Variants in IQCM observed in about 807,000 individuals in gnomAD.
IQCM encodes the protein IQ motif containing M, also known as IQ domain-containing protein M.
A neutral mutation model predicts 57.6 loss-of-function variants in IQCM; 45 were observed. That is an observed-to-expected ratio of 0.78 (90% CI 0.62 to 1.00). The LOEUF (loss-of-function observed/expected upper bound fraction) is 1.00. Ranked by LOEUF, IQCM falls within the 50% of genes least tolerant of loss-of-function variation. The pLI is 0.00. For missense variants in IQCM, 468 were observed against 511.6 expected (o/e 0.91, Z 0.82); for synonymous variants, 148 against 158.9 (o/e 0.93, Z 0.51).
chr4:149,381,036 T>A (rs1731042597), intron 13 of IQCM, among the ~76,000 whole-genome samples: 1 of 152,194 alleles, frequency 6.6e-6, no homozygotes, highest in Admixed American at 6.5e-5. Context: ...CCCCCAAAGG[T>A]GCTTCATTCA....
At chr4:149,438,672 T>G (rs998239218) in intron 12 of IQCM, among the ~76,000 whole-genome samples, 1 of 152,080 alleles carries the variant, frequency 6.6e-6, no homozygotes, top group Non-Finnish European at 1.5e-5. Flanking sequence ...ATTACGTACT[T>G]CTTGAGCAAG....
At chr4:149,555,516 G>T (rs1377813228) in intron 10 of IQCM, among the ~76,000 whole-genome samples, 1 of 152,222 alleles carries the variant, frequency 6.6e-6, no homozygotes, top group Non-Finnish European at 1.5e-5. Context: ...GGCAGCATTT[G>T]TAAAGTCAGG....
intron 12 of IQCM, among the ~76,000 whole-genome samples, chr4:149,547,618 A>G (rs1748585688): frequency 6.6e-6 from 1 of 152,164 alleles, no homozygotes; most frequent in African/African-American, 2.4e-5. Flanking sequence ...ATTACCTGAA[A>G]TTAGCTAGGA....
intron 8 of IQCM, among the ~76,000 whole-genome samples, chr4:149,615,757 A>T (rs1291375765): frequency 6.6e-6 from 1 of 152,216 alleles, no homozygotes; most frequent in Non-Finnish European, 1.5e-5. Flanking sequence ...TCTTCTAAGT[A>T]GAGTATGTTA....
intron 9 of IQCM, among the ~76,000 whole-genome samples, chr4:149,576,340 G>T (rs2726754): frequency 0.21 from 32,448 of 151,572 alleles, 4,331 homozygotes; most frequent in Non-Finnish European, 0.29. Context: ...TGTCTATTGT[G>T]CCCTTCCTTG....
intron 8 of IQCM, among the ~76,000 whole-genome samples, chr4:149,591,404 T>C (rs1340501619): frequency 2.0e-5 from 3 of 152,064 alleles, no homozygotes; most frequent in Non-Finnish European, 4.4e-5. Flanking sequence ...AAATATGTAA[T>C]TTATAATTGG....
chr4:149,481,926 TG>T (rs1359142678), intron 12 of IQCM, among the ~76,000 whole-genome samples: 3 of 310 alleles, frequency 9.7e-3, no homozygotes, highest in East Asian at 0.11. Flanking sequence ...TTCCTTTTTT[TG>T]GGGGGGTTGG....
At position 149,510,190 on chromosome 4, in the gene IQCM, G is replaced by T. The variant is rs115513362; in HGVS notation, c.1228+38265C>A. 7.8e-4 allele frequency among the ~76,000 whole-genome samples: 119 copies of T among 152,182 alleles called. 2 individuals carry two copies. Among genetic ancestry groups the T allele is most frequent in the Non-Finnish European group, 1.4e-3 (96 of 67,996 alleles). ...TTTTAACAATTTACTGGGTTAAAAA[G>T]CGATTATCTCATTGTTTTAATCTGC... is the stretch of plus-strand genomic sequence containing the variant. On this transcript the variant is annotated intron_variant, in intron 12 of 13. Coordinates refer to ENST00000636793, the MANE Select transcript of IQCM (RefSeq NM_001363507.2).
At chr4:149,481,723 G>GTTTTTTTTTTTTT (rs1740903527) in intron 12 of IQCM, among the ~76,000 whole-genome samples, 1 of 9,346 alleles carries the variant, frequency 1.1e-4, no homozygotes, top group Non-Finnish European at 2.6e-4. Context: ...TTTTTTTTTT[G>GTTTTTTTTTTTTT]CTTTTTGCTT....
chr4:149,467,736 G>A (rs947227039), intron 12 of IQCM, among the ~76,000 whole-genome samples: 3 of 152,166 alleles, frequency 2.0e-5, no homozygotes, highest in Non-Finnish European at 4.4e-5. Flanking sequence ...GGAGCTGTGG[G>A]TTTTAGTAGA....
At chr4:149,576,955 T>C (rs938569982) in intron 9 of IQCM, among the ~76,000 whole-genome samples, 4 of 151,980 alleles carry the variant, frequency 2.6e-5, no homozygotes, top group African/African-American at 9.7e-5. Context: ...TGGTATCTCA[T>C]TGTAAGTTTG....
intron 2 of IQCM, among the ~76,000 whole-genome samples, chr4:149,754,511 T>C (rs924644858): frequency 1.3e-5 from 2 of 152,216 alleles, no homozygotes; most frequent in African/African-American, 2.4e-5. Context: ...CGCCAATAAC[T>C]TTCATGCTGT....
At chr4:149,669,795 G>C (rs1054447509) in intron 7 of IQCM, among the ~76,000 whole-genome samples, 5 of 152,068 alleles carry the variant, frequency 3.3e-5, no homozygotes, top group Non-Finnish European at 5.9e-5. Context: ...GTAGGTGTGT[G>C]GTATTATTTC....
chr4:149,395,238 C>T (rs1287825160), intron 13 of IQCM, among the ~76,000 whole-genome samples: 2 of 152,042 alleles, frequency 1.3e-5, no homozygotes, highest in South Asian at 2.1e-4. Flanking sequence ...ATCCTATTTT[C>T]GTTGCCAGCA....
In IQCM at chr4:149,757,739, A is replaced by G. The variant is rs1271462203; in HGVS notation, c.-48-15000T>C. The stretch of plus-strand genomic sequence containing the variant: ...ACATTAGATATATTCCTGATATTAT[A>G]TATGTGTGTGTGTGTGTGTGTGTGT... On this transcript the variant is annotated intron_variant, in intron 2 of 13. Transcript: ENST00000636793. Among the ~76,000 whole-genome samples the G allele has an allele frequency of 7.0e-5, 7 of 100,242 alleles. No individual in the cohort carries two copies. In the East Asian group the frequency reaches 1.5e-3, roughly 21 times the overall value. The allele number at this position is 100,242 out of a possible 152,430, so 65.8% of individuals were successfully genotyped here.
At chr4:149,358,871 T>TCTATCATG (rs1729234563) in intron 13 of IQCM, among the ~76,000 whole-genome samples, 1 of 151,592 alleles carries the variant, frequency 6.6e-6, no homozygotes, top group African/African-American at 2.4e-5. Context: ...CTCTCATGAG[T>TCTATCATG]ATATCATGAG....
chr4:149,652,424 G>A (rs1759269889), intron 7 of IQCM, among the ~76,000 whole-genome samples: 1 of 151,798 alleles, frequency 6.6e-6, no homozygotes, highest in African/African-American at 2.4e-5. Context: ...TAACAAACCT[G>A]CACATTCAGC....
intron 12 of IQCM, among the ~76,000 whole-genome samples, chr4:149,463,116 G>A (rs1186252712): frequency 1.3e-5 from 2 of 152,236 alleles, no homozygotes; most frequent in South Asian, 2.1e-4. Context: ...AAAGACATTC[G>A]CATTATATAA....
chr4:149,605,062 A>G (rs1754654630), intron 8 of IQCM, among the ~76,000 whole-genome samples: 1 of 152,154 alleles, frequency 6.6e-6, no homozygotes, highest in African/African-American at 2.4e-5. Flanking sequence ...AACTAAAACT[A>G]TTGTTAACAG....
Sources: gnomAD v4.1 joint callset for allele counts (sites outside exome capture counted in the v4.1 genomes callset) on GRCh38, gnomAD v4.1.1 for gene constraint, MANE v1.5 for transcripts, NCBI Gene and HGNC (gene_info 2026-07-23, HGNC 2026-07-21) for gene names.